The following AKAP13 variants were observed in gnomAD, a reference collection of about 807,000 sequenced individuals.
The protein encoded by AKAP13 is A-kinase anchor protein 13.
Under a neutral mutation model 264.5 loss-of-function variants are expected in AKAP13, and 80 were observed. That is an observed-to-expected ratio of 0.30 (90% CI 0.25 to 0.36). The LOEUF (loss-of-function observed/expected upper bound fraction) is 0.36, where lower values mean the gene tolerates loss of function less well. Among genes scored for constraint, AKAP13 ranks in the 10% least tolerant of loss-of-function variants. AKAP13 has a pLI of 1.00. For missense variants in AKAP13, 3,712 were observed against 3,435.2 expected (o/e 1.08, Z -2.01); for synonymous variants, 1,380 against 1,250.2 (o/e 1.10, Z -2.19).
In AKAP13 at chr15:85,543,915, T is replaced by C. The variant is rs771637523; in HGVS notation, c.622T>C (p.Leu208=). The change falls in exon 5 of 37, where the codon TTG becomes CTG. Residue 208 remains leucine (L), a synonymous_variant. Transcript: ENST00000394518. The stretch of plus-strand genomic sequence containing the variant: ...AGGGGCGACGCCTGTGAGCTTGGCC[T>C]TGGAGCGAGGCTATCACAAGCTGCA... ...QEGATPVSLA[L]ERGYHKLHQL... The C allele has an allele frequency of 6.2e-7, 1 of 1,613,860 alleles. No homozygotes were observed. Among genetic ancestry groups the C allele is most frequent in the Non-Finnish European group, 8.5e-7 (1 of 1,179,906 alleles).
At chr15:85,568,578 G>T (rs1181160197) in intron 5 of AKAP13, among the ~76,000 whole-genome samples, 1 of 152,198 alleles carries the variant, frequency 6.6e-6, no homozygotes, top group Non-Finnish European at 1.5e-5. Context: ...TGCTGGTGTG[G>T]CATGGCCTAT....
rs115657055 is a variant in AKAP13, at chr15:85,579,054, G to A, written c.986G>A (p.Arg329Gln). The change falls in exon 7 of 37, where the codon CGA becomes CAA. Residue 329 changes from arginine to glutamine, a missense_variant. Arg to Gln is a conservative substitution (Grantham distance 43). Around this residue, in one of 3 missense-constraint regions of AKAP13, gnomAD observed 2,759 missense variants for 2,411.7 expected, o/e 1.14. Coordinates refer to ENST00000394518, the MANE Select transcript of AKAP13 (RefSeq NM_007200.5). ...GCACCGGAGCCCACGGACCCTCAGC[G>A]ACTTTCTTCTTCTGAAGAGACTGAG... ...PCAPEPTDPQ[R>Q]LSSSEETEST... 50 of 1,614,102 alleles carry A rather than the reference G, an allele frequency of 3.1e-5. No homozygotes were observed. In the East Asian group the frequency reaches 4.2e-4, roughly 14 times the overall value.
chr15:85,717,926 A>G, intron 21 of AKAP13, 81 bp from the exon 22 acceptor site: 3 of 1,381,896 alleles, frequency 2.2e-6, no homozygotes, highest in Non-Finnish European at 2.0e-6. Context: ...GAAATCAACT[A>G]TCATCTTGAG....
chr15:85,550,745 A>G (rs1049849402), intron 5 of AKAP13, among the ~76,000 whole-genome samples: 5 of 152,200 alleles, frequency 3.3e-5, no homozygotes, highest in African/African-American at 1.2e-4. Context: ...AGGATTTGGG[A>G]TAACTTGACA....
In AKAP13 at chr15:85,743,557, C is replaced by T. The variant is rs748815550; in HGVS notation, c.8124C>T (p.Pro2708=). The T allele has an allele frequency of 9.5e-5, 153 of 1,614,068 alleles. No individual in the cohort carries two copies. The highest frequency in any genetic ancestry group is 1.2e-4 in the Non-Finnish European group (142 of 1,180,040). Residue 2708 remains proline, a synonymous_variant, in exon 36 of 37, where the codon CCC becomes CCT. Coordinates refer to ENST00000394518, the MANE Select transcript of AKAP13 (RefSeq NM_007200.5). ...PSFFPSPEEP[P]SPSAPSIAKS... The stretch of plus-strand genomic sequence containing the variant: ...TCTTCCCCAGTCCTGAGGAGCCCCC[C>T]TCGCCATCTGCACCTTCCATAGCCA...
chr15:85,517,959 G>A (rs954436078), intron 2 of AKAP13, among the ~76,000 whole-genome samples: 2 of 152,244 alleles, frequency 1.3e-5, no homozygotes, highest in Non-Finnish European at 2.9e-5. Context: ...TGATGTAGGT[G>A]TGTACTCTTC....
intron 33 of AKAP13, among the ~76,000 whole-genome samples, chr15:85,738,665 C>T (rs1035869297): frequency 7.9e-5 from 12 of 151,212 alleles, no homozygotes; most frequent in African/African-American, 2.7e-4. Context: ...GGTGAAACCC[C>T]GTCTCTACTA....
chr15:85,562,574 A>AAAAAAAATATATATATATATATATATAT (rs1351834745), intron 5 of AKAP13, among the ~76,000 whole-genome samples: 1 of 77,666 alleles, frequency 1.3e-5, no homozygotes, highest in African/African-American at 4.0e-5. Context: ...CAAAAAAAAA[A>AAAAAAAATATATATATATATATATATAT]ATATATATAT....
intron 12 of AKAP13, among the ~76,000 whole-genome samples, chr15:85,663,281 G>T (rs1045783598): frequency 4.0e-5 from 6 of 149,116 alleles, no homozygotes; most frequent in Admixed American, 2.0e-4. Context: ...CTGCACTCCA[G>T]CCTGGGCAAC....
chr15:85,462,747 G>A (rs1020871399), intron 1 of AKAP13, among the ~76,000 whole-genome samples: 11 of 152,088 alleles, frequency 7.2e-5, no homozygotes, highest in African/African-American at 1.9e-4. Context: ...AATTTTGGCC[G>A]GGCGTGGTGG....
At chr15:85,583,275 A>G (rs912311994) in intron 7 of AKAP13, 11 of 748,312 alleles carry the variant, frequency 1.5e-5, no homozygotes, top group Middle Eastern at 6.7e-4. Flanking sequence ...TATGGAGAGA[A>G]ATGAATCAAT....
intron 2 of AKAP13, among the ~76,000 whole-genome samples, chr15:85,502,730 C>T (rs551806080): frequency 3.9e-5 from 6 of 152,194 alleles, no homozygotes; most frequent in Admixed American, 2.6e-4. Flanking sequence ...TGTAACTATT[C>T]GTTAGAAATC....
chr15:85,645,238 C>T (rs986736400), intron 9 of AKAP13, among the ~76,000 whole-genome samples: 2 of 152,208 alleles, frequency 1.3e-5, no homozygotes, highest in Admixed American at 6.5e-5. Flanking sequence ...GTCACAGACC[C>T]CTCCCTCTAG....
intron 8 of AKAP13, among the ~76,000 whole-genome samples, chr15:85,623,637 A>G (rs1229020548): frequency 6.6e-6 from 1 of 152,182 alleles, no homozygotes; most frequent in Non-Finnish European, 1.5e-5. Context: ...CTGTCCCATC[A>G]TCAACCCCCA....
At chr15:85,704,891 C>G (rs1597122063) in intron 17 of AKAP13, among the ~76,000 whole-genome samples, 2 of 152,160 alleles carry the variant, frequency 1.3e-5, no homozygotes, top group East Asian at 3.9e-4. Flanking sequence ...GCTGAAGTTT[C>G]TAAATCACCC....
intron 1 of AKAP13, among the ~76,000 whole-genome samples, chr15:85,448,433 C>T (rs2073971990): frequency 6.6e-6 from 1 of 152,088 alleles, no homozygotes; most frequent in South Asian, 2.1e-4. Flanking sequence ...GTCATGAAAT[C>T]TTTGCCCGTT....
chr15:85,487,953 A>G (rs553586418), intron 2 of AKAP13, among the ~76,000 whole-genome samples: 1 of 152,318 alleles, frequency 6.6e-6, no homozygotes, highest in Admixed American at 6.5e-5. Flanking sequence ...GCTGGAGTGC[A>G]GTGGCGCGAC....
intron 5 of AKAP13, among the ~76,000 whole-genome samples, chr15:85,550,167 G>A (rs1468186127): frequency 6.6e-6 from 1 of 152,094 alleles, no homozygotes; most frequent in Non-Finnish European, 1.5e-5. Flanking sequence ...CGCCTGCCTT[G>A]GCCTCCCAAA....
At chr15:85,437,637 T>G (rs1488702166) in intron 1 of AKAP13, among the ~76,000 whole-genome samples, 3 of 152,174 alleles carry the variant, frequency 2.0e-5, no homozygotes, top group Admixed American at 1.3e-4. Context: ...CAAGTGGGCT[T>G]CATCCCGGGA....
Sources: allele counts gnomAD v4.1 joint callset (sites outside exome capture counted in the v4.1 genomes callset), GRCh38; gene constraint gnomAD v4.1.1; regional missense constraint gnomAD v4.1.1; transcripts MANE v1.5; gene names NCBI Gene and HGNC (gene_info 2026-07-23, HGNC 2026-07-21).